BCAS3: variants seen among roughly 807,000 people sequenced by gnomAD.
The protein encoded by BCAS3 is BCAS3 microtubule associated cell migration factor.
In BCAS3, 53 loss-of-function variants were observed where a neutral mutation model predicts 116.1. The ratio of observed to expected loss-of-function variants is 0.46; its 90% confidence interval spans 0.37 to 0.57. The LOEUF is 0.57. Among genes scored for constraint, BCAS3 ranks in the 20% least tolerant of loss-of-function variants. The pLI, the probability that BCAS3 is intolerant of heterozygous loss-of-function variation, is 0.00. For missense variants in BCAS3, 917 were observed against 1,165.4 expected, an observed-to-expected ratio of 0.79 and a Z score of 3.10; for synonymous variants, 391 against 408.2, an observed-to-expected ratio of 0.96 and a Z score of 0.51.
chr17:60,775,587 T>C (rs984794557), intron 6 of BCAS3, among the ~76,000 whole-genome samples: 3 of 152,186 alleles, frequency 2.0e-5, no homozygotes, highest in African/African-American at 7.2e-5. Flanking sequence ...AATTTCTTTT[T>C]TTTTTTCATT....
intron 6 of BCAS3, among the ~76,000 whole-genome samples, chr17:60,784,601 C>T (rs1480859974): frequency 2.0e-5 from 3 of 150,864 alleles, no homozygotes; most frequent in Admixed American, 1.3e-4. Flanking sequence ...CTGCGCCCAG[C>T]CAACAAAAAA....
At chr17:61,003,540 G>T (rs1199866205) in intron 15 of BCAS3, among the ~76,000 whole-genome samples, 1 of 151,642 alleles carries the variant, frequency 6.6e-6, no homozygotes, top group Non-Finnish European at 1.5e-5. Flanking sequence ...CAATCTGCCT[G>T]CCTCAGCCTC....
intron 9 of BCAS3, among the ~76,000 whole-genome samples, chr17:60,882,389 G>A (rs2056248639): frequency 6.8e-6 from 1 of 146,456 alleles, no homozygotes; most frequent in Non-Finnish European, 1.5e-5. Context: ...CATTTTGTAG[G>A]TGGCCTGTTC....
Position 61,021,827 on chromosome 17 carries a change from A to C in BCAS3, c.1637+5926A>C, listed in dbSNP as rs1045526272. ...GATATTGGCATATAGTAGGCCTTGC[A>C]GAAGGTCTATTCCTTATTTTAATTC... On this transcript the variant is annotated intron_variant, in intron 16 of 23. Coordinates refer to ENST00000407086, the MANE Select transcript of BCAS3 (RefSeq NM_017679.5). This position sits in a 1 kb window ranked among gnomAD's most constrained non-coding sequence, Gnocchi z 4.6. Among the ~76,000 whole-genome samples, 3 of 152,242 alleles carry C rather than the reference A, an allele frequency of 2.0e-5. No homozygotes were observed. Among genetic ancestry groups the C allele is most frequent in the Non-Finnish European group, 4.4e-5 (3 of 68,038 alleles).
In BCAS3 at chr17:61,013,385, A is replaced by G. The variant is rs1384188527; in HGVS notation, c.1487-2366A>G. Reference sequence around the variant, plus strand: ...GACAGAAAGTTGCAGTCTGATTTCAAATTCAAGTTAATATTAGCATAGTTG... The same window carrying G: ...GACAGAAAGTTGCAGTCTGATTTCAGATTCAAGTTAATATTAGCATAGTTG... On this transcript the variant is annotated intron_variant, in intron 15 of 23. Coordinates refer to ENST00000407086, the MANE Select transcript of BCAS3 (RefSeq NM_017679.5). The surrounding 1 kb of genome is among the most constrained non-coding windows in gnomAD (Gnocchi z 4.4). 6.6e-6 allele frequency among the ~76,000 whole-genome samples: 1 copy of G among 152,122 alleles called. No individual in the cohort carries two copies. Among genetic ancestry groups the G allele is most frequent in the African/African-American group, 2.4e-5 (1 of 41,448 alleles).
At chr17:60,897,193 A>T (rs539689832) in intron 10 of BCAS3, among the ~76,000 whole-genome samples, 160 of 152,252 alleles carry the variant, frequency 1.1e-3, no homozygotes, top group African/African-American at 3.6e-3. Context: ...AGTATTCTTG[A>T]CTGACATACT....
rs759374662 is a variant in BCAS3 at position 61,021,577 on chromosome 17, T to C, written c.1637+5676T>C. On this transcript the variant is annotated intron_variant, in intron 16 of 23. Transcript: ENST00000407086. The surrounding 1 kb of genome is among the most constrained non-coding windows in gnomAD (Gnocchi z 4.6). ...GTTTATATATATGGATTATAATCTT[T>C]TAATCCTTATCATGTATGAGTTTCT... Among the ~76,000 whole-genome samples, 9 of 152,218 alleles carry C rather than the reference T, an allele frequency of 5.9e-5. No homozygotes were observed. Among genetic ancestry groups the C allele is most frequent in the Non-Finnish European group, 1.2e-4 (8 of 68,040 alleles).
chr17:60,893,022 AT>A (rs201388944), intron 10 of BCAS3, among the ~76,000 whole-genome samples: 4 of 150,872 alleles, frequency 2.7e-5, no homozygotes, highest in Non-Finnish European at 5.9e-5. Context: ...GATGTTGAAC[AT>A]TTTTTTTTCA....
chr17:60,786,547 GTATATATATA>G (rs72319489), intron 6 of BCAS3, among the ~76,000 whole-genome samples: 3 of 140,756 alleles, frequency 2.1e-5, no homozygotes, highest in East Asian at 2.1e-4. Context: ...CTGCAAATGT[GTATATATATA>G]TATATATATA....
At chr17:61,108,955 A>T (rs1419388272) in intron 22 of BCAS3, among the ~76,000 whole-genome samples, 1 of 152,122 alleles carries the variant, frequency 6.6e-6, no homozygotes, top group African/African-American at 2.4e-5. Context: ...TAGGTGGCTG[A>T]GGTGGGCGGA....
In BCAS3 at chr17:61,124,465, G is replaced by A. The variant is rs552192115; in HGVS notation, c.2425+39901G>A. Among the ~76,000 whole-genome samples the A allele has an allele frequency of 1.2e-4, 18 of 152,106 alleles. No homozygotes were observed. Among genetic ancestry groups the A allele is most frequent in the Non-Finnish European group, 1.9e-4 (13 of 67,984 alleles). ...TAGAACTGTTCTTATTTTTAAGATCGTAGAGATCCATAGAAGTATTGGCAT... is the reference window on the plus strand; with the variant it reads ...TAGAACTGTTCTTATTTTTAAGATCATAGAGATCCATAGAAGTATTGGCAT... On this transcript the variant is annotated intron_variant, in intron 22 of 23. Coordinates refer to ENST00000407086, the MANE Select transcript of BCAS3 (RefSeq NM_017679.5). This position sits in a 1 kb window ranked among gnomAD's most constrained non-coding sequence, Gnocchi z 4.6.
At chr17:60,998,130 GA>G (rs2063968362) in intron 15 of BCAS3, among the ~76,000 whole-genome samples, 1 of 152,120 alleles carries the variant, frequency 6.6e-6, no homozygotes, top group African/African-American at 2.4e-5. Context: ...ATTTACTTAG[GA>G]TAACGACCTC....
chr17:61,339,691 A>C lies in BCAS3; in HGVS notation c.2426-28636A>C, dbSNP rs914682599. Among the ~76,000 whole-genome samples the C allele has an allele frequency of 6.6e-6, 1 of 151,486 alleles. No homozygotes were observed. The highest frequency in any genetic ancestry group is 1.5e-5 in the Non-Finnish European group (1 of 67,900). On this transcript the variant is annotated intron_variant, in intron 22 of 23. Coordinates refer to ENST00000407086, the MANE Select transcript of BCAS3 (RefSeq NM_017679.5). This position sits in a 1 kb window ranked among gnomAD's most constrained non-coding sequence, Gnocchi z 4.4. ...TGAGGCAGGAGAATCGCTCGAACCT[A>C]GGAGGTGGCGGTTACAGTGAGCTGA...
At chr17:60,763,704 G>A (rs2043788599) in intron 6 of BCAS3, among the ~76,000 whole-genome samples, 1 of 152,166 alleles carries the variant, frequency 6.6e-6, no homozygotes, top group African/African-American at 2.4e-5. Flanking sequence ...GATGATGCTG[G>A]CCTCATAAAA....
At chr17:60,770,882 C>T (rs992025490) in intron 6 of BCAS3, among the ~76,000 whole-genome samples, 1 of 114,052 alleles carries the variant, frequency 8.8e-6, no homozygotes, top group Non-Finnish European at 1.7e-5. Context: ...GGGTCTCACT[C>T]TGTCACGCAG....
chr17:61,194,371 C>G (rs1223750170), intron 22 of BCAS3, among the ~76,000 whole-genome samples: 1 of 152,136 alleles, frequency 6.6e-6, no homozygotes, highest in Non-Finnish European at 1.5e-5. Flanking sequence ...ATTCCCCCAG[C>G]AAGTGAAAGC....
intron 23 of BCAS3, among the ~76,000 whole-genome samples, chr17:61,369,286 G>A (rs377485052): frequency 3.3e-5 from 5 of 152,294 alleles, no homozygotes; most frequent in African/African-American, 1.2e-4. Context: ...CTTTCAGAGG[G>A]AACTTTCTGT....
In BCAS3 at chr17:61,337,720, T is replaced by G. The variant is rs973412927; in HGVS notation, c.2426-30607T>G. On this transcript the variant is annotated intron_variant, in intron 22 of 23. Transcript: ENST00000407086. This position sits in a 1 kb window ranked among gnomAD's most constrained non-coding sequence, Gnocchi z 4.8. Reference sequence around the variant, plus strand: ...CTCACCCCTTAAAGGTCGTTTCTGATCTACTCCCTCTCCTCTAGCCTTAAA... The same window carrying G: ...CTCACCCCTTAAAGGTCGTTTCTGAGCTACTCCCTCTCCTCTAGCCTTAAA... Among the ~76,000 whole-genome samples, 2 of 152,148 alleles carry G rather than the reference T, an allele frequency of 1.3e-5. No homozygotes were observed. The highest frequency in any genetic ancestry group is 2.9e-5 in the Non-Finnish European group (2 of 68,030).
At position 60,966,259 on chromosome 17, in the gene BCAS3, G is replaced by A. The variant is rs534844640; in HGVS notation, c.1221+18907G>A. ...TTTCTTGAAGGCAGCATGTAACTTG[G>A]TCTTGTTTCTTTATCCATTCAGCCA... On this transcript the variant is annotated intron_variant, in intron 14 of 23. Coordinates refer to ENST00000407086, the MANE Select transcript of BCAS3 (RefSeq NM_017679.5). Among the ~76,000 whole-genome samples, 3 of 152,212 alleles carry A rather than the reference G, an allele frequency of 2.0e-5. No individual in the cohort carries two copies. The East Asian group carries it at 5.8e-4, about 29-fold the overall frequency.
Sources: gnomAD v4.1 joint callset for allele counts (sites outside exome capture counted in the v4.1 genomes callset) on GRCh38, gnomAD v4.1.1 for gene constraint, Gnocchi (gnomAD v3.1) non-coding constraint, MANE v1.5 for transcripts, NCBI Gene and HGNC (gene_info 2026-07-23, HGNC 2026-07-21) for gene names.